The following C19orf38 variants were observed in gnomAD, a reference collection of about 807,000 sequenced individuals.
C19orf38 encodes protein HIDE1.
Under a neutral mutation model 26.6 loss-of-function variants are expected in C19orf38, and 14 were observed. The observed-to-expected ratio is 0.53, with a 90% CI of 0.35 to 0.82. C19orf38 has a LOEUF of 0.82. C19orf38 is among the 40% of genes least tolerant of loss of function. The pLI is 0.01. For missense variants in C19orf38, 261 were observed against 299.5 expected, an observed-to-expected ratio of 0.87 and a Z score of 0.95; for synonymous variants, 132 against 128.5, an observed-to-expected ratio of 1.03 and a Z score of -0.18.
intron 1 of C19orf38, among the ~76,000 whole-genome samples, chr19:10,839,419 T>G (rs534080809): frequency 6.6e-6 from 1 of 152,320 alleles, no homozygotes; most frequent in East Asian, 1.9e-4. Flanking sequence ...GGGGCTACTT[T>G]CTGTTAGAAA....
chr19:10,865,938 G>A (rs1401758047), intron 6 of C19orf38, among the ~76,000 whole-genome samples: 2 of 151,484 alleles, frequency 1.3e-5, no homozygotes, highest in African/African-American at 2.4e-5. Context: ...TCAGCCTCCC[G>A]AGTAGCTGGG....
At chr19:10,858,252 A>AAAAAAAAAATTGC in intron 3 of C19orf38, 64 bp from the exon 4 acceptor site, 2 of 1,157,372 alleles carry the variant, frequency 1.7e-6, no homozygotes, top group Non-Finnish European at 2.4e-6. Flanking sequence ...AAAAAAAAAA[A>AAAAAAAAAATTGC]CAGAAATTGC....
chr19:10,848,140 G>A (rs972245443), upstream of C19orf38, among the ~76,000 whole-genome samples: 1 of 152,104 alleles, frequency 6.6e-6, no homozygotes, highest in African/African-American at 2.4e-5. Flanking sequence ...GCAGTGAGCC[G>A]AGATCGCTCC....
chr19:10,859,244 A>ATGTGTGTG (rs35791729), intron 4 of C19orf38, among the ~76,000 whole-genome samples: 12 of 119,392 alleles, frequency 1.0e-4, no homozygotes, highest in African/African-American at 3.5e-4. Flanking sequence ...GCTTTTATAT[A>ATGTGTGTG]TGTGTGTGTG....
At chr19:10,851,149 G>A (rs1367082914) in intron 2 of C19orf38, among the ~76,000 whole-genome samples, 1 of 152,204 alleles carries the variant, frequency 6.6e-6, no homozygotes, top group Non-Finnish European at 1.5e-5. Context: ...CTGCCTCCTG[G>A]TTCAAGCGAT....
chr19:10,864,014 C>T (rs2073728350), intron 6 of C19orf38, among the ~76,000 whole-genome samples: 1 of 152,164 alleles, frequency 6.6e-6, no homozygotes, highest in Non-Finnish European at 1.5e-5. Context: ...AATCCCAGCC[C>T]TGACACTGTG....
chr19:10,853,566 G>A (rs974157103), intron 2 of C19orf38, among the ~76,000 whole-genome samples: 2 of 150,922 alleles, frequency 1.3e-5, no homozygotes, highest in African/African-American at 2.4e-5. Flanking sequence ...AATTACAGGC[G>A]TGAGCCACCA....
chr19:10,858,468 C>A (rs2073654828), intron 4 of C19orf38, 125 bp downstream of exon 4: 1 of 907,454 alleles, frequency 1.1e-6, no homozygotes, highest in Non-Finnish European at 1.7e-6. Context: ...GTAATAGGAA[C>A]AGGAGCCATT....
At chr19:10,837,479 CTTTTTTT>C (rs1212470227) in intron 1 of C19orf38, among the ~76,000 whole-genome samples, 1 of 66,464 alleles carries the variant, frequency 1.5e-5, no homozygotes, top group African/African-American at 5.5e-5. Context: ...TCTTTTTTTT[CTTTTTTT>C]TTTTAATTTT....
At chr19:10,842,225 A>G in intron 1 of C19orf38, 1 of 1,264,632 alleles carries the variant, frequency 7.9e-7, no homozygotes, top group Non-Finnish European at 1.2e-6. Flanking sequence ...GATGACTACC[A>G]CAGAACCATC....
At chr19:10,839,507 C>G (rs1490939987) in intron 1 of C19orf38, among the ~76,000 whole-genome samples, 2 of 152,180 alleles carry the variant, frequency 1.3e-5, no homozygotes, top group African/African-American at 4.8e-5. Context: ...CCTCATTACA[C>G]TTTGCCCCCC....
chr19:10,847,080 A>G (rs773386380), upstream of C19orf38, among the ~76,000 whole-genome samples: 2 of 152,204 alleles, frequency 1.3e-5, no homozygotes, highest in Non-Finnish European at 2.9e-5. Flanking sequence ...CTTGGGTCCA[A>G]ACCCCCAAGC....
chr19:10,840,464 C>T (rs905426099), intron 1 of C19orf38, among the ~76,000 whole-genome samples: 2 of 152,188 alleles, frequency 1.3e-5, no homozygotes, highest in African/African-American at 4.8e-5. Context: ...CATGCCAACA[C>T]ACCCAGCTAA....
At chr19:10,855,448 G>C (rs559619212) in intron 2 of C19orf38, among the ~76,000 whole-genome samples, 1 of 151,978 alleles carries the variant, frequency 6.6e-6, no homozygotes, top group South Asian at 2.1e-4. Context: ...AACTATTCTT[G>C]TGCCTCAGCC....
At chr19:10,849,890 C>G (rs1174033280) in intron 1 of C19orf38, among the ~76,000 whole-genome samples, 1 of 151,734 alleles carries the variant, frequency 6.6e-6, no homozygotes, top group African/African-American at 2.4e-5. Context: ...TATAGTGAAA[C>G]CCCATCTCTA....
At chr19:10,838,465 A>G (rs181429442) in intron 1 of C19orf38, among the ~76,000 whole-genome samples, 1 of 152,330 alleles carries the variant, frequency 6.6e-6, no homozygotes, top group East Asian at 1.9e-4. Context: ...CATTTAGTAC[A>G]TTCCAGTGTT....
intron 2 of C19orf38, among the ~76,000 whole-genome samples, chr19:10,854,721 G>T (rs924465787): frequency 1.3e-5 from 2 of 152,168 alleles, no homozygotes; most frequent in Non-Finnish European, 2.9e-5. Flanking sequence ...CCACTCCCAT[G>T]CCTGTGTGAC....
intron 6 of C19orf38, among the ~76,000 whole-genome samples, chr19:10,866,075 G>A (rs567731456): frequency 8.7e-5 from 13 of 150,142 alleles, no homozygotes; most frequent in African/African-American, 2.0e-4. Context: ...TTGCTCTTTC[G>A]CCCAGGCTGG....
intron 3 of C19orf38, among the ~76,000 whole-genome samples, chr19:10,857,333 C>CAT (rs1360409533): frequency 2.1e-4 from 19 of 91,688 alleles, no homozygotes; most frequent in African/African-American, 3.7e-4. Context: ...CACACACACA[C>CAT]ACATACATAT....
Sources: gnomAD v4.1 joint callset for allele counts (sites outside exome capture counted in the v4.1 genomes callset) on GRCh38, gnomAD v4.1.1 for gene constraint, MANE v1.5 for transcripts, NCBI Gene and HGNC (gene_info 2026-07-23, HGNC 2026-07-21) for gene names.